DRD3: variants seen among roughly 807,000 people sequenced by gnomAD.
DRD3 encodes the protein D(3) dopamine receptor.
A neutral mutation model predicts 36.3 loss-of-function variants in DRD3; 19 were observed. That is an observed-to-expected ratio of 0.52 (90% CI 0.36 to 0.77). DRD3 has a LOEUF of 0.77. Among genes scored for constraint, DRD3 ranks in the 30% least tolerant of loss-of-function variants. The probability of loss-of-function intolerance (pLI) is 0.00; values close to 1 mark genes in which losing one functional copy is unlikely to be tolerated. For missense variants in DRD3, 465 were observed against 505.3 expected (o/e 0.92, Z 0.77); for synonymous variants, 195 against 203.7 (o/e 0.96, Z 0.36).
intron 5 of DRD3, among the ~76,000 whole-genome samples, chr3:114,138,684 C>T (rs1430268229): frequency 2.0e-5 from 3 of 152,174 alleles, no homozygotes; most frequent in African/African-American, 7.2e-5. Context: ...ACCTCCAGAG[C>T]ACTTCATAAT....
chr3:114,154,555 G>A (rs1287965830), intron 3 of DRD3, among the ~76,000 whole-genome samples: 1 of 152,178 alleles, frequency 6.6e-6, no homozygotes, highest in African/African-American at 2.4e-5. Flanking sequence ...CCCTCCTGGA[G>A]TTGTTGAAGG....
intron 1 of DRD3, among the ~76,000 whole-genome samples, chr3:114,188,693 AC>A (rs2077988788): frequency 1.3e-5 from 2 of 152,226 alleles, no homozygotes; most frequent in Non-Finnish European, 2.9e-5. Flanking sequence ...AGTTCTCTTT[AC>A]GTTTCATTTG....
chr3:114,148,321 C>CAATATAAATTATA (rs2077587103), intron 3 of DRD3, among the ~76,000 whole-genome samples: 1 of 152,120 alleles, frequency 6.6e-6, no homozygotes, highest in South Asian at 2.1e-4. Flanking sequence ...TTACCTCCTG[C>CAATATAAATTATA]TTGTATCCTA....
chr3:114,156,755 CTT>C (rs1188303522), intron 3 of DRD3, among the ~76,000 whole-genome samples: 3 of 108,310 alleles, frequency 2.8e-5, no homozygotes, highest in Non-Finnish European at 2.0e-5. Flanking sequence ...TTCTTTCTTT[CTT>C]TCTTTCTTTC....
At chr3:114,182,039 G>A (rs1248331854), upstream of DRD3, among the ~76,000 whole-genome samples, 1 of 152,154 alleles carries the variant, frequency 6.6e-6, no homozygotes, top group Non-Finnish European at 1.5e-5. Context: ...TGGAAGATTT[G>A]ATTATCATGA....
In DRD3 at chr3:114,128,749, G is replaced by C. The variant is rs2077399377; in HGVS notation, c.1170C>G (p.Phe390Leu). ...PVIYTTFNIEFRKAFLKILSC is the reference protein window; with the variant it reads ...PVIYTTFNIELRKAFLKILSC ...ACAGGATCTTGAGGAAGGCTTTCCG[G>C]AACTCGATATTGAAGGTGGTATAGA... Residue 390 changes from phenylalanine (F) to leucine (L), a missense_variant, in exon 7 of 7, where the codon TTC becomes TTG. By Grantham distance (22) the Phe-to-Leu change is conservative (BLOSUM62 0). Coordinates refer to ENST00000383673, the MANE Select transcript of DRD3 (RefSeq NM_000796.6). 1.9e-6 allele frequency: 3 copies of C among 1,609,550 alleles called. No individual in the cohort carries two copies. Among genetic ancestry groups the C allele is most frequent in the Non-Finnish European group, 2.5e-6 (3 of 1,177,730 alleles).
intron 5 of DRD3, among the ~76,000 whole-genome samples, chr3:114,133,471 A>G (rs1173351466): frequency 6.6e-6 from 1 of 151,054 alleles, no homozygotes; most frequent in Non-Finnish European, 1.5e-5. Context: ...GGGGGTTGTT[A>G]TATTTGTCTA....
rs1263239496 is a variant in DRD3, at chr3:114,187,209, C to T, written c.-155-8433G>A. ...TTTGCAAATGTCTAAAAAATGTTCTCTAAGATTAGAAATAAACGATCATTA... is the reference window on the plus strand; with the variant it reads ...TTTGCAAATGTCTAAAAAATGTTCTTTAAGATTAGAAATAAACGATCATTA... On this transcript the variant is annotated intron_variant, in intron 1 of 7. Transcript: ENST00000460779. 3.9e-5 allele frequency among the ~76,000 whole-genome samples: 6 copies of T among 152,200 alleles called. No homozygotes were observed. In the East Asian group the frequency reaches 1.2e-3, roughly 29 times the overall value.
chr3:114,190,565 G>A (rs1425167264), intron 1 of DRD3, among the ~76,000 whole-genome samples: 1 of 141,846 alleles, frequency 7.0e-6, no homozygotes, highest in African/African-American at 2.6e-5. Context: ...GAAGCCATGT[G>A]GACCTGAGGA....
At chr3:114,136,211 C>T (rs2077473172) in intron 5 of DRD3, among the ~76,000 whole-genome samples, 1 of 143,734 alleles carries the variant, frequency 7.0e-6, no homozygotes, top group Non-Finnish European at 1.5e-5. Flanking sequence ...GAGACTCTGT[C>T]TCAAAAACAA....
upstream of DRD3, among the ~76,000 whole-genome samples, chr3:114,181,262 C>T (rs768040912): frequency 2.6e-5 from 4 of 152,182 alleles, no homozygotes; most frequent in South Asian, 2.1e-4. Context: ...TAAAATCACA[C>T]ATCTAGGCAG....
intron 1 of DRD3, among the ~76,000 whole-genome samples, chr3:114,196,023 A>C (rs944336269): frequency 3.9e-5 from 6 of 152,250 alleles, no homozygotes; most frequent in Non-Finnish European, 8.8e-5. Context: ...TAGACTCTCT[A>C]GGTAACCTTT....
chr3:114,163,516 T>C (rs913482127), intron 2 of DRD3, among the ~76,000 whole-genome samples: 1 of 152,178 alleles, frequency 6.6e-6, no homozygotes, highest in East Asian at 1.9e-4. Flanking sequence ...TAAAAGGAGC[T>C]AGGATTTTGA....
chr3:114,150,781 G>T (rs1373030617), intron 3 of DRD3, among the ~76,000 whole-genome samples: 1 of 152,208 alleles, frequency 6.6e-6, no homozygotes, highest in African/African-American at 2.4e-5. Flanking sequence ...AAGGGATCGG[G>T]CAAGGCTTCC....
chr3:114,153,266 T>G (rs200029078), intron 3 of DRD3, among the ~76,000 whole-genome samples: 1 of 28 alleles, frequency 0.036, no homozygotes, highest in African/African-American at 0.062. Context: ...TCTGTAAACC[T>G]TTTTTTTTTT....
At chr3:114,129,041 T>A in intron 6 of DRD3, 129 bp from the exon 7 acceptor site, 1 of 946,642 alleles carries the variant, frequency 1.1e-6, no homozygotes. Flanking sequence ...ACCCACTTAC[T>A]TTTTTTTATA....
At chr3:114,144,930 G>A (rs753468365) in intron 4 of DRD3, among the ~76,000 whole-genome samples, 2 of 152,042 alleles carry the variant, frequency 1.3e-5, no homozygotes, top group African/African-American at 2.4e-5. Flanking sequence ...TTTGTTTCTG[G>A]AACAATAATG....
chr3:114,171,629 G>A, intron 2 of DRD3, 94 bp downstream of exon 2: 1 of 1,420,964 alleles, frequency 7.0e-7, no homozygotes, highest in Non-Finnish European at 9.3e-7. Flanking sequence ...GTTCCTGACT[G>A]TCTGGGGAGT....
intron 3 of DRD3, among the ~76,000 whole-genome samples, chr3:114,156,743 T>TTCTTTCTTTCTTTCTTTC (rs1286313199): frequency 4.8e-5 from 1 of 20,768 alleles, no homozygotes; most frequent in East Asian, 2.1e-3. Flanking sequence ...CTTTCTTTCT[T>TTCTTTCTTTCTTTCTTTC]TTTCTTTCTT....
Sources: gnomAD v4.1 joint callset for allele counts (sites outside exome capture counted in the v4.1 genomes callset) on GRCh38, gnomAD v4.1.1 for gene constraint, MANE v1.5 for transcripts, NCBI Gene and HGNC (gene_info 2026-07-23, HGNC 2026-07-21) for gene names.